Variants in MEGF10 observed in about 807,000 individuals in gnomAD.
The protein encoded by MEGF10 is multiple epidermal growth factor-like domains protein 10.
MEGF10 carries 86 observed loss-of-function variants against 147.5 expected under a neutral mutation model. The ratio of observed to expected loss-of-function variants is 0.58; its 90% CI spans 0.49 to 0.70. MEGF10 has a LOEUF of 0.70. MEGF10 is among the 30% of genes least tolerant of loss of function. MEGF10 has a pLI of 0.00. For synonymous variants in MEGF10, 478 were observed against 525.5 expected (o/e 0.91, Z 1.24); for missense variants, 1,329 against 1,487.3 (o/e 0.89, Z 1.75).
intron 19 of MEGF10, among the ~76,000 whole-genome samples, chr5:127,444,210 T>C (rs759809683): frequency 6.6e-6 from 1 of 152,226 alleles, no homozygotes; most frequent in Non-Finnish European, 1.5e-5. Context: ...AGTTGGGCTA[T>C]AAAAGGCTTT....
chr5:127,392,286 TTGGCTG>T (rs1763731690), intron 5 of MEGF10, among the ~76,000 whole-genome samples: 1 of 152,204 alleles, frequency 6.6e-6, no homozygotes, highest in African/African-American at 2.4e-5. Flanking sequence ...TGATAAACTT[TTGGCTG>T]TTGCATGTAT....
At chr5:127,230,891 T>A in the MEGF10 span, among the ~76,000 whole-genome samples, 1 of 146,482 alleles carries the variant, frequency 6.8e-6, no homozygotes, top group African/African-American at 2.6e-5. Context: ...ACTTATTCAG[T>A]CCCTTTCAAC....
intron 4 of MEGF10, among the ~76,000 whole-genome samples, chr5:127,358,017 G>C (rs145062302): frequency 3.3e-5 from 5 of 152,090 alleles, no homozygotes; most frequent in Non-Finnish European, 5.9e-5. Context: ...CTGGTTTTGG[G>C]GCATTCTCAT....
chr5:127,277,571 G>A, the MEGF10 span, among the ~76,000 whole-genome samples: 6 of 152,226 alleles, frequency 3.9e-5, no homozygotes, highest in African/African-American at 1.4e-4. Context: ...ATGGGGGCTA[G>A]AGTAAGAGAG....
At chr5:127,362,378 T>A (rs77198001) in intron 4 of MEGF10, among the ~76,000 whole-genome samples, 2,989 of 150,780 alleles carry the variant, frequency 0.02, 141 homozygotes, top group Admixed American at 0.12. Context: ...AATTATTATT[T>A]TTTTTTTTTG....
At position 127,457,416 on chromosome 5, in the gene MEGF10, C is replaced by T. The variant is rs184598211; in HGVS notation, c.*98C>T. 8 of 1,328,982 alleles carry T rather than the reference C, an allele frequency of 6.0e-6. No homozygotes were observed. The highest frequency in any genetic ancestry group is 4.0e-6 in the Non-Finnish European group (4 of 991,572). 82.3% of individuals were successfully genotyped at this position (1,328,982 alleles called of 1,614,324 possible). A position where few individuals can be genotyped will look rare whatever the true frequency, so the allele number is the denominator to read the frequency against. The stretch of plus-strand genomic sequence containing the variant: ...TTGCCACTTTCATGTGAATGTTAGT[C>T]AATTCGGTGGGCAATTTTTGGACAT... On this transcript the variant is annotated 3_prime_UTR_variant, in exon 25 of 25. Coordinates refer to ENST00000503335, the MANE Select transcript of MEGF10 (RefSeq NM_001256545.2).
At chr5:127,317,766 G>A (rs1760622542) in intron 1 of MEGF10, among the ~76,000 whole-genome samples, 1 of 152,132 alleles carries the variant, frequency 6.6e-6, no homozygotes, top group African/African-American at 2.4e-5. Context: ...CCCTGTCATG[G>A]GGGAGGGATA....
intron 1 of MEGF10, among the ~76,000 whole-genome samples, chr5:127,303,229 G>A (rs908884139): frequency 8.6e-5 from 13 of 151,806 alleles, no homozygotes; most frequent in African/African-American, 3.1e-4. Context: ...CCAGCTACTC[G>A]GGAGGCTGAG....
At chr5:127,415,777 CCTG>C (rs1436770371) in intron 9 of MEGF10, among the ~76,000 whole-genome samples, 2 of 151,510 alleles carry the variant, frequency 1.3e-5, no homozygotes, top group African/African-American at 4.8e-5. Context: ...GGGGCACACG[CCTG>C]TAATCCCAGC....
chr5:127,436,548 C>T (rs973918707), intron 16 of MEGF10, among the ~76,000 whole-genome samples: 1 of 152,080 alleles, frequency 6.6e-6, no homozygotes, highest in African/African-American at 2.4e-5. Flanking sequence ...GATGGTTGGG[C>T]GTATGGGTTT....
Position 127,460,873 on chromosome 5 carries a change from T to C in MEGF10, c.*3555T>C, listed in dbSNP as rs1163725238. On this transcript the variant is annotated 3_prime_UTR_variant, in exon 25 of 25. Transcript: ENST00000503335. ...GAAAGTGTACATGCATATGCAAGTG[T>C]GAATTACGTGGTATGGATGTTTGCT... 1 of 152,176 alleles carries C rather than the reference T, an allele frequency of 6.6e-6. No homozygotes were observed. Among genetic ancestry groups the C allele is most frequent in the Non-Finnish European group, 1.5e-5 (1 of 68,040 alleles). The allele number at this position is 152,176 out of a possible 1,614,324, so 9.4% of individuals were successfully genotyped here.
chr5:127,451,288 T>C (rs1168596423), intron 22 of MEGF10, among the ~76,000 whole-genome samples: 3 of 152,222 alleles, frequency 2.0e-5, no homozygotes, highest in East Asian at 3.8e-4. Context: ...CTGATCCCTG[T>C]GGGAATGCCT....
At chr5:127,378,355 CCA>C (rs1480831084) in intron 5 of MEGF10, among the ~76,000 whole-genome samples, 5 of 152,212 alleles carry the variant, frequency 3.3e-5, no homozygotes, top group African/African-American at 1.2e-4. Context: ...ATAGCTTACA[CCA>C]CACTTCTTCA....
chr5:127,397,159 C>G lies in MEGF10; in HGVS notation c.659+381C>G, dbSNP rs74435440. ...ACTGCTGGTTGTTAATGGTCCATGT[C>G]TTTTTGCTCTTTGTGGCAATTAATT... is the stretch of plus-strand genomic sequence containing the variant. On this transcript the variant is annotated intron_variant, in intron 6 of 24. Transcript: ENST00000503335. 7.4e-3 allele frequency among the ~76,000 whole-genome samples: 1,122 copies of G among 152,230 alleles called. 12 individuals carry two copies. The highest frequency in any genetic ancestry group is 0.026 in the African/African-American group (1,068 of 41,512).
At chr5:127,389,570 C>A (rs1763565081) in intron 5 of MEGF10, among the ~76,000 whole-genome samples, 1 of 152,164 alleles carries the variant, frequency 6.6e-6, no homozygotes, top group Non-Finnish European at 1.5e-5. Flanking sequence ...TACAAATACA[C>A]CATGGAATAC....
chr5:127,268,524 G>A, the MEGF10 span, among the ~76,000 whole-genome samples: 2 of 152,138 alleles, frequency 1.3e-5, no homozygotes, highest in Non-Finnish European at 2.9e-5. Flanking sequence ...ACTGCAAGGC[G>A]GCAGCGAGGC....
chr5:127,437,372 G>A (rs6859304), intron 16 of MEGF10, among the ~76,000 whole-genome samples: 75,610 of 151,954 alleles, frequency 0.5, 20,637 homozygotes, highest in Middle Eastern at 0.66. Context: ...ATGCTCACTC[G>A]AGACCTCAAG....
At chr5:127,349,067 A>G (rs949798493) in intron 4 of MEGF10, among the ~76,000 whole-genome samples, 1 of 152,190 alleles carries the variant, frequency 6.6e-6, no homozygotes, top group African/African-American at 2.4e-5. Flanking sequence ...ACATTTTAAA[A>G]TCAATTATTC....
chr5:127,369,511 T>TC (rs780703652), intron 4 of MEGF10, among the ~76,000 whole-genome samples: 1 of 152,208 alleles, frequency 6.6e-6, no homozygotes, highest in Non-Finnish European at 1.5e-5. Flanking sequence ...ATCATAATAC[T>TC]CCCCATCTAC....
Sources: allele counts gnomAD v4.1 joint callset (sites outside exome capture counted in the v4.1 genomes callset), GRCh38; gene constraint gnomAD v4.1.1; transcripts MANE v1.5; gene names NCBI Gene and HGNC (gene_info 2026-07-23, HGNC 2026-07-21).